CCDC30: variants seen among roughly 807,000 people sequenced by gnomAD.
CCDC30 encodes the protein coiled-coil domain-containing protein 30.
A neutral mutation model predicts 100.2 loss-of-function variants in CCDC30; 70 were observed. The ratio of observed to expected loss-of-function variants is 0.70; its 90% CI spans 0.58 to 0.85. The LOEUF is 0.85. Ranked by LOEUF, CCDC30 falls within the 40% of genes least tolerant of loss-of-function variation. CCDC30 has a pLI of 0.00. For missense variants in CCDC30, 652 were observed against 771.2 expected, an observed-to-expected ratio of 0.85 and a Z score of 1.83; for synonymous variants, 233 against 269.5, an observed-to-expected ratio of 0.86 and a Z score of 1.33.
At chr1:42,460,651 C>G (rs895301555), upstream of CCDC30, among the ~76,000 whole-genome samples, 7 of 152,120 alleles carry the variant, frequency 4.6e-5, no homozygotes, top group African/African-American at 1.7e-4. Flanking sequence ...GATCTCTGTC[C>G]TGAGGGATGC....
chr1:42,540,092 A>G (rs1557836698), intron 6 of CCDC30, among the ~76,000 whole-genome samples: 1 of 152,196 alleles, frequency 6.6e-6, no homozygotes, highest in Admixed American at 6.5e-5. Flanking sequence ...TAGACTAAAG[A>G]TTAAGGAGCA....
chr1:42,559,732 C>T (rs563580350), intron 6 of CCDC30, among the ~76,000 whole-genome samples: 24 of 151,946 alleles, frequency 1.6e-4, no homozygotes, highest in African/African-American at 5.1e-4. Flanking sequence ...TTAGACAGAT[C>T]GAGACAGAAA....
At chr1:42,496,029 A>G (rs901888972) in intron 4 of CCDC30, among the ~76,000 whole-genome samples, 6 of 152,148 alleles carry the variant, frequency 3.9e-5, no homozygotes, top group Non-Finnish European at 8.8e-5. Context: ...GTGCACTGAC[A>G]TGAATAGATT....
chr1:42,589,417 A>C (rs1646140197), exon 10 of CCDC30: 1 of 1,613,966 alleles, frequency 6.2e-7, no homozygotes, highest in South Asian at 1.1e-5. Flanking sequence ...CTCAGCAACA[A>C]TCCAGAATTC....
intron 6 of CCDC30, among the ~76,000 whole-genome samples, chr1:42,555,087 C>A (rs1645341408): frequency 6.6e-6 from 1 of 152,184 alleles, no homozygotes; most frequent in Non-Finnish European, 1.5e-5. Context: ...TCAATACTGT[C>A]TTTTAAATAT....
chr1:42,509,464 G>T (rs1010758166), intron 6 of CCDC30, among the ~76,000 whole-genome samples: 3 of 152,098 alleles, frequency 2.0e-5, no homozygotes, highest in African/African-American at 7.2e-5. Flanking sequence ...CGATAAAATG[G>T]CTTATCTGAG....
chr1:42,634,706 T>C (rs991516460), intron 11 of CCDC30, among the ~76,000 whole-genome samples: 6 of 152,348 alleles, frequency 3.9e-5, no homozygotes, highest in Admixed American at 3.9e-4. Context: ...TATTGAGATA[T>C]AATTCAAATA....
At chr1:42,556,426 C>A (rs747349909) in intron 6 of CCDC30, 21 bp downstream of exon 10, 102 of 1,562,040 alleles carry the variant, frequency 6.5e-5, no homozygotes, top group Non-Finnish European at 8.5e-5. Flanking sequence ...TAAACACATG[C>A]CCTGACTGGG....
chr1:42,623,015 C>T (rs186181464), intron 11 of CCDC30, among the ~76,000 whole-genome samples: 2 of 152,246 alleles, frequency 1.3e-5, no homozygotes, highest in Non-Finnish European at 2.9e-5. Flanking sequence ...TGCCTGTTTG[C>T]CATTTGTATG....
At chr1:42,625,337 TC>T (rs1646913027) in intron 11 of CCDC30, among the ~76,000 whole-genome samples, 1 of 152,168 alleles carries the variant, frequency 6.6e-6, no homozygotes, top group African/African-American at 2.4e-5. Flanking sequence ...GTTTCATTGA[TC>T]TTTTGTATTG....
upstream of CCDC30, among the ~76,000 whole-genome samples, chr1:42,462,020 G>T (rs1234688516): frequency 6.6e-6 from 1 of 152,198 alleles, no homozygotes; most frequent in African/African-American, 2.4e-5. Context: ...GTACAATGGG[G>T]ATATATGGGG....
intron 12 of CCDC30, among the ~76,000 whole-genome samples, chr1:42,641,189 G>T (rs1273541395): frequency 6.6e-6 from 1 of 151,076 alleles, no homozygotes; most frequent in Non-Finnish European, 1.5e-5. Context: ...CTAGCTCATT[G>T]CAGCCTTGAA....
At chr1:42,582,441 G>A (rs1382355735) in intron 9 of CCDC30, among the ~76,000 whole-genome samples, 1 of 152,132 alleles carries the variant, frequency 6.6e-6, no homozygotes, top group Non-Finnish European at 1.5e-5. Context: ...GAAATCAGAA[G>A]GAGCCAAATC....
the CCDC30 span, chr1:42,456,363 C>G: frequency 3.2e-5 from 21 of 647,026 alleles, 1 homozygote; most frequent in African/African-American, 3.1e-4. Context: ...AGCCGGGGAT[C>G]CCCCTCGTTG....
At position 42,600,832 on chromosome 1, in the gene CCDC30, T is replaced by C. The variant is rs142848302; in HGVS notation, c.1165-10146T>C. On this transcript the variant is annotated intron_variant, in intron 10 of 16. Transcript: ENST00000668663. ...TGCTCTCTCTCTCTCTCTCTCTCAC[T>C]CTTGCTCTCTCCCTCCCTCCCTCCT... Among the ~76,000 whole-genome samples, 5 of 149,454 alleles carry C rather than the reference T, an allele frequency of 3.3e-5. No individual in the cohort carries two copies. The East Asian group carries it at 9.8e-4, about 29-fold the overall frequency.
chr1:42,482,846 G>T (rs899798788), intron 3 of CCDC30, 30 bp downstream of exon 3: 1 of 1,221,850 alleles, frequency 8.2e-7, no homozygotes, highest in East Asian at 3.2e-5. Context: ...GACCATTTCC[G>T]ATCATGCTTT....
intron 4 of CCDC30, among the ~76,000 whole-genome samples, chr1:42,495,266 A>G (rs1644213252): frequency 6.6e-6 from 1 of 151,964 alleles, no homozygotes; most frequent in Non-Finnish European, 1.5e-5. Context: ...ACAAAAAACC[A>G]AACACCACAT....
At chr1:42,473,164 G>C in intron 1 of CCDC30, 2 of 1,230,546 alleles carry the variant, frequency 1.6e-6, no homozygotes, top group Non-Finnish European at 2.0e-6. Context: ...TCTTGAAAAA[G>C]AAGAAATCAA....
chr1:42,565,916 GACAC>G (rs10624633), intron 6 of CCDC30, among the ~76,000 whole-genome samples: 1 of 149,774 alleles, frequency 6.7e-6, no homozygotes, highest in Non-Finnish European at 1.5e-5. Flanking sequence ...ACACCACACA[GACAC>G]ACACACACAC....
Sources: allele counts gnomAD v4.1 joint callset (sites outside exome capture counted in the v4.1 genomes callset), GRCh38; gene constraint gnomAD v4.1.1; transcripts MANE v1.5; gene names NCBI Gene and HGNC (gene_info 2026-07-23, HGNC 2026-07-21).